Variants in LIMCH1 observed in about 807,000 individuals in gnomAD.
LIMCH1 encodes LIM and calponin homology domains 1.
Under a neutral mutation model 176.5 loss-of-function variants are expected in LIMCH1, and 113 were observed. The ratio of observed to expected loss-of-function variants is 0.64; its 90% CI spans 0.55 to 0.75. The LOEUF (loss-of-function observed/expected upper bound fraction) is 0.75. Ranked by LOEUF, LIMCH1 falls within the 30% of genes least tolerant of loss-of-function variation. LIMCH1 has a pLI of 0.00. For synonymous variants in LIMCH1, 619 were observed against 645.9 expected, an observed-to-expected ratio of 0.96 and a Z score of 0.63; for missense variants, 1,674 against 1,814.9, an observed-to-expected ratio of 0.92 and a Z score of 1.41.
intron 4 of LIMCH1, chr4:41,612,706 GCCATTGTTCTCC>G: frequency 2.9e-6 from 2 of 699,344 alleles, no homozygotes; most frequent in Non-Finnish European, 5.2e-6. Flanking sequence ...GTCAAAGACA[GCCATTGTTCTCC>G]CTGCTCTGAA....
intron 1 of LIMCH1, chr4:41,453,525 A>T (rs945697851): frequency 6.6e-6 from 1 of 152,320 alleles, no homozygotes; most frequent in Non-Finnish European, 1.5e-5. Context: ...GTGGAAGTGG[A>T]TCATCATAAA....
intron 1 of LIMCH1, among the ~76,000 whole-genome samples, chr4:41,391,895 A>G (rs1444525314): frequency 1.3e-5 from 2 of 152,230 alleles, no homozygotes; most frequent in East Asian, 3.8e-4. Context: ...GTTTTGATAA[A>G]TGCACTATGG....
intron 31 of LIMCH1, among the ~76,000 whole-genome samples, chr4:41,695,630 G>C (rs1007500886): frequency 2.0e-5 from 3 of 151,876 alleles, no homozygotes; most frequent in Admixed American, 6.6e-5. Flanking sequence ...GGGTAATAAG[G>C]GTCACCTTCT....
intron 23 of LIMCH1, among the ~76,000 whole-genome samples, chr4:41,677,231 G>A (rs965485915): frequency 6.6e-6 from 1 of 151,130 alleles, no homozygotes; most frequent in African/African-American, 2.4e-5. Flanking sequence ...GACCAACATG[G>A]AGAAACCCCA....
At chr4:41,612,829 T>G (rs2091596997) in intron 4 of LIMCH1, 1 of 1,233,990 alleles carries the variant, frequency 8.1e-7, no homozygotes, top group Admixed American at 2.9e-5. Context: ...GAAAAGCGTT[T>G]TGCATATTTT....
chr4:41,498,876 T>A (rs112387335), intron 2 of LIMCH1, among the ~76,000 whole-genome samples: 5,745 of 143,038 alleles, frequency 0.04, 346 homozygotes, highest in African/African-American at 0.14. Flanking sequence ...GCCCTTGGCC[T>A]TTTTTTTTTT....
intron 1 of LIMCH1, among the ~76,000 whole-genome samples, chr4:41,576,138 C>T (rs763666212): frequency 1.4e-4 from 21 of 152,118 alleles, no homozygotes; most frequent in Non-Finnish European, 2.9e-4. Context: ...TTGATTTGTG[C>T]ATATTTCTTG....
chr4:41,650,693 A>G lies in LIMCH1; in HGVS notation c.3036+85A>G, dbSNP rs974348929. The G allele has an allele frequency of 1.0e-5, 12 of 1,145,238 alleles. No homozygotes were observed. The Admixed American group carries it at 2.2e-4, about 21-fold the overall frequency. 70.9% of individuals were successfully genotyped at this position (1,145,238 alleles called of 1,614,324 possible). ...TTTTAAAAATAAGTAGGTCATGATA[A>G]TGACCATTTCTTTCTATGTTGGCGT... On this transcript the variant is annotated intron_variant, in intron 18 of 31. Transcript: ENST00000503057.
chr4:41,596,465 A>G (rs916358068), intron 1 of LIMCH1, among the ~76,000 whole-genome samples: 2 of 152,220 alleles, frequency 1.3e-5, no homozygotes, highest in African/African-American at 4.8e-5. Flanking sequence ...TTAACTAGAA[A>G]AAAGGATTGA....
chr4:41,388,143 A>G (rs1024454909), intron 1 of LIMCH1, among the ~76,000 whole-genome samples: 13 of 152,186 alleles, frequency 8.5e-5, no homozygotes, highest in Non-Finnish European at 1.9e-4. Flanking sequence ...CAGCAATTCT[A>G]CTTTTAGGTA....
At position 41,629,674 on chromosome 4, in the gene LIMCH1, C is replaced by T. The variant is rs1463979526; in HGVS notation, c.1211C>T (p.Ser404Phe). The T allele has an allele frequency of 7.8e-6, 12 of 1,535,950 alleles. No individual in the cohort carries two copies. The highest frequency in any genetic ancestry group is 1.4e-5 in the African/African-American group (1 of 73,024). ...HREPPSFITL[S>F]NITEADLETW... ...GAGCCCCCGAGCTTCATTACGCTCT[C>T]CAACATAACAGAAGCTGACTTGGAG... The change falls in exon 9 of 32, where the codon TCC becomes TTC. Residue 404 changes from serine to phenylalanine, a missense_variant. Coordinates refer to ENST00000503057, the MANE Select transcript of LIMCH1 (RefSeq NM_001330672.2).
At chr4:41,620,290 A>T in intron 6 of LIMCH1, 134 bp from the exon 7 acceptor site, 1 of 858,476 alleles carries the variant, frequency 1.2e-6, no homozygotes, top group South Asian at 1.9e-5. Context: ...TCTTCACATT[A>T]TCAGGATTAT....
intron 1 of LIMCH1, among the ~76,000 whole-genome samples, chr4:41,402,193 A>G (rs1226964849): frequency 6.6e-6 from 1 of 152,202 alleles, no homozygotes; most frequent in African/African-American, 2.4e-5. Context: ...TCTCAAAAGA[A>G]GACATTTATG....
At chr4:41,502,999 GTCCATCCA>G (rs751124176) in intron 2 of LIMCH1, among the ~76,000 whole-genome samples, 126 of 138,414 alleles carry the variant, frequency 9.1e-4, no homozygotes, top group Non-Finnish European at 1.3e-3. Context: ...TGGTCTGTCT[GTCCATCCA>G]TCCATCCATC....
chr4:41,677,995 T>A (rs1364742204), intron 23 of LIMCH1, among the ~76,000 whole-genome samples: 1 of 152,172 alleles, frequency 6.6e-6, no homozygotes, highest in African/African-American at 2.4e-5. Context: ...GGCAGGTTTG[T>A]TACATAGGTA....
rs763539087 is a variant in LIMCH1 at position 41,393,440 on chromosome 4, GA to G, written c.96+32506del. 2.0e-4 allele frequency among the ~76,000 whole-genome samples: 30 copies of G among 152,328 alleles called. No individual in the cohort carries two copies. In the South Asian group the frequency reaches 3.3e-3, roughly 17 times the overall value. ...CATGGGATTGTTGCATTTGGCTTTA[GA>G]ATGTCCTTTGATAAAGAATTCCTTT... is the stretch of plus-strand genomic sequence containing the variant. On this transcript the variant is annotated intron_variant, in intron 1 of 26. Transcript: ENST00000313860.
chr4:41,670,758 C>T, intron 21 of LIMCH1: 1 of 1,535,956 alleles, frequency 6.5e-7, no homozygotes, highest in Non-Finnish European at 8.7e-7. Flanking sequence ...GAGTTCAGAA[C>T]TCTTGGCGAC....
chr4:41,516,125 C>A (rs993857373), intron 2 of LIMCH1, among the ~76,000 whole-genome samples: 7 of 152,152 alleles, frequency 4.6e-5, no homozygotes, highest in African/African-American at 1.4e-4. Context: ...TCATATGTTT[C>A]ATCCTAAGCT....
chr4:41,519,672 A>G (rs886570808), intron 2 of LIMCH1, among the ~76,000 whole-genome samples: 2 of 152,214 alleles, frequency 1.3e-5, no homozygotes, highest in African/African-American at 4.8e-5. Context: ...GGCTAATAGG[A>G]ATATTGAAAC....
Sources: allele counts gnomAD v4.1 joint callset (sites outside exome capture counted in the v4.1 genomes callset), GRCh38; gene constraint gnomAD v4.1.1; transcripts MANE v1.5; gene names NCBI Gene and HGNC (gene_info 2026-07-23, HGNC 2026-07-21).